SYTL2: variants seen among roughly 807,000 people sequenced by gnomAD.
SYTL2 encodes the protein synaptotagmin like 2.
A neutral mutation model predicts 198.7 loss-of-function variants in SYTL2; 165 were observed. The ratio of observed to expected loss-of-function variants is 0.83; its 90% CI spans 0.73 to 0.94. SYTL2 has a LOEUF of 0.94. Among genes scored for constraint, SYTL2 ranks in the 40% least tolerant of loss-of-function variants. SYTL2 has a pLI of 0.00. For missense variants in SYTL2, 2,835 were observed against 2,582.8 expected (o/e 1.10, Z -2.12); for synonymous variants, 966 against 917.7 (o/e 1.05, Z -0.95).
At chr11:85,737,719 C>T (rs1203988240) in intron 4 of SYTL2, 63 bp from the exon 5 acceptor site, 3 of 1,390,246 alleles carry the variant, frequency 2.2e-6, no homozygotes, top group Non-Finnish European at 3.0e-6. Flanking sequence ...TAAATTATGC[C>T]TCTGAAGTGG....
At chr11:85,778,585 G>A (rs988314615) in intron 1 of SYTL2, among the ~76,000 whole-genome samples, 3 of 152,254 alleles carry the variant, frequency 2.0e-5, no homozygotes, top group Non-Finnish European at 4.4e-5. Context: ...CTGTAGACAT[G>A]CACCACTGAA....
chr11:85,713,609 C>T (rs1388644098), intron 12 of SYTL2, among the ~76,000 whole-genome samples: 1 of 152,206 alleles, frequency 6.6e-6, no homozygotes, highest in Non-Finnish European at 1.5e-5. Flanking sequence ...ATCTACTCTT[C>T]AGTAGCTATT....
intron 9 of SYTL2, chr11:85,719,505 AT>A (rs3831395): frequency 3.2e-4 from 59 of 184,312 alleles, no homozygotes; most frequent in Non-Finnish European, 4.5e-4. Context: ...TTGTTCTGAG[AT>A]TTTTTTTTTC....
At chr11:85,818,469 C>T in the SYTL2 span, among the ~76,000 whole-genome samples, 1 of 146,210 alleles carries the variant, frequency 6.8e-6, no homozygotes, top group Non-Finnish European at 1.5e-5. Context: ...TCACAGACAA[C>T]GTAAGTAAAA....
intron 16 of SYTL2, 82 bp from the exon 17 acceptor site, chr11:85,700,675 T>C (rs530877774): frequency 3.2e-4 from 333 of 1,027,606 alleles, no homozygotes; most frequent in Admixed American, 5.2e-4. Flanking sequence ...CAGAACCATA[T>C]CTGTCCCATT....
the SYTL2 span, among the ~76,000 whole-genome samples, chr11:85,822,851 T>G: frequency 1.3e-5 from 2 of 152,156 alleles, no homozygotes; most frequent in African/African-American, 4.8e-5. Context: ...AAGGAACAAG[T>G]GCATGCAAAA....
At chr11:85,708,107 G>C in intron 14 of SYTL2, 1 of 428,938 alleles carries the variant, frequency 2.3e-6, no homozygotes, top group Non-Finnish European at 4.6e-6. Flanking sequence ...AGGTTGCTGT[G>C]AGCTGAGATC....
chr11:85,729,488 C>G (rs2153475146), intron 7 of SYTL2, among the ~76,000 whole-genome samples: 1 of 152,320 alleles, frequency 6.6e-6, no homozygotes, highest in East Asian at 1.9e-4. Flanking sequence ...TCCTGAGTGA[C>G]TACTGGGTAA....
chr11:85,806,799 C>T (rs1183482607), intron 1 of SYTL2, among the ~76,000 whole-genome samples: 1 of 152,238 alleles, frequency 6.6e-6, no homozygotes, highest in African/African-American at 2.4e-5. Flanking sequence ...CAGAATCAGA[C>T]TTTTAAGACA....
chr11:85,757,655 G>A lies in SYTL2; in HGVS notation c.71C>T (p.Ala24Val), dbSNP rs374660440. The change falls in exon 2 of 20, where the codon GCT becomes GTT. Residue 24 changes from alanine to valine, a missense_variant. Physicochemically the swap from Ala to Val is moderately conservative, Grantham distance 64. Around this residue, in one of 3 missense-constraint regions of SYTL2, gnomAD observed 2,645 missense variants for 2,381.7 expected, o/e 1.11. Transcript: ENST00000359152. ...AIMKVLQRDAALKRAEEERVR... is the reference protein window; with the variant it reads ...AIMKVLQRDAVLKRAEEERVR... The stretch of plus-strand genomic sequence containing the variant: ...TCTCTCTTCTTCGGCCCTCTTCAGA[G>A]CAGCATCCCGCTGCAAAACCTTCAT... The A allele has an allele frequency of 4.2e-5, 67 of 1,613,678 alleles. No individual in the cohort carries two copies. Among genetic ancestry groups the A allele is most frequent in the Non-Finnish European group, 5.4e-5 (64 of 1,179,944 alleles).
At chr11:85,815,447 T>G (rs749429308), upstream of SYTL2, among the ~76,000 whole-genome samples, 5 of 152,238 alleles carry the variant, frequency 3.3e-5, no homozygotes, top group Non-Finnish European at 5.9e-5. Context: ...TTGTAAATAC[T>G]GAATATTCTT....
rs1290774739 is a variant in SYTL2, at chr11:85,724,755, G to C, written c.4603C>G (p.Pro1535Ala). 6.2e-7 allele frequency: 1 copy of C among 1,613,188 alleles called. No homozygotes were observed. The highest frequency in any genetic ancestry group is 1.1e-5 in the South Asian group (1 of 90,926). The change falls in exon 8 of 20, where the codon CCC (proline) becomes GCC (alanine). Residue 1535 changes from proline (P) to alanine (A), a missense_variant. By Grantham distance (27) the Pro-to-Ala change is conservative (BLOSUM62 -1). Coordinates refer to ENST00000359152, the MANE Select transcript of SYTL2 (RefSeq NM_206927.4). ...TGGCATTCAGAAGTGGCTCGCCTGG[G>C]CTCCTCTGTACTACCTATTAACTTT... ...PSKLIGSTEE[P>A]RRATSECHPE...
intron 16 of SYTL2, among the ~76,000 whole-genome samples, chr11:85,703,499 T>G (rs2084650245): frequency 6.6e-6 from 1 of 152,130 alleles, no homozygotes; most frequent in African/African-American, 2.4e-5. Flanking sequence ...CTGAAAGAAA[T>G]AATTGTCAAC....
At chr11:85,785,918 C>T (rs1302853437) in intron 1 of SYTL2, among the ~76,000 whole-genome samples, 1 of 152,172 alleles carries the variant, frequency 6.6e-6, no homozygotes, top group Non-Finnish European at 1.5e-5. Context: ...AAGGTTAGAC[C>T]TGACTATGTT....
At chr11:85,708,064 G>A (rs550176418) in intron 14 of SYTL2, 8 of 402,884 alleles carry the variant, frequency 2.0e-5, no homozygotes, top group Admixed American at 9.1e-5. Context: ...TCAGGAGGCT[G>A]AGGCAGGAGA....
intron 4 of SYTL2, among the ~76,000 whole-genome samples, chr11:85,745,299 C>T (rs1346763884): frequency 6.6e-6 from 1 of 151,676 alleles, no homozygotes; most frequent in East Asian, 2.0e-4. Context: ...CCTGAAATGA[C>T]TTATTCCTTG....
rs768755891 is a variant in SYTL2, at chr11:85,707,411, G to C, written c.6018+18C>G. ...GGTCACCATCTAGGATTTTCCTATA[G>C]AGAGAGTTCATAGATACCCGCAGTA... On this transcript the variant is annotated intron_variant, in intron 15 of 19. Transcript: ENST00000359152. 1 of 1,558,738 alleles carries C rather than the reference G, an allele frequency of 6.4e-7. No individual in the cohort carries two copies. The highest frequency in any genetic ancestry group is 8.8e-7 in the Non-Finnish European group (1 of 1,130,222).
chr11:85,801,192 T>C (rs541070857), intron 1 of SYTL2, among the ~76,000 whole-genome samples: 10 of 152,194 alleles, frequency 6.6e-5, no homozygotes, highest in African/African-American at 2.4e-4. Flanking sequence ...GCACAAGAAA[T>C]TCTACAAAGC....
chr11:85,770,520 T>C (rs1028042240), intron 1 of SYTL2, among the ~76,000 whole-genome samples: 10 of 152,134 alleles, frequency 6.6e-5, no homozygotes, highest in Non-Finnish European at 1.3e-4. Context: ...CCAAATTCCT[T>C]ACTCCAGTAT....
Sources: gnomAD v4.1 joint callset for allele counts (sites outside exome capture counted in the v4.1 genomes callset) on GRCh38, gnomAD v4.1.1 for gene constraint, gnomAD v4.1.1 regional missense constraint, MANE v1.5 for transcripts, NCBI Gene and HGNC (gene_info 2026-07-23, HGNC 2026-07-21) for gene names.